Variants in FAM8A1 observed in about 807,000 individuals in gnomAD.
FAM8A1 encodes the protein protein FAM8A1.
In FAM8A1, 18 loss-of-function variants were observed where a neutral mutation model predicts 38.3. The observed-to-expected ratio is 0.47, with a 90% CI of 0.33 to 0.70. The LOEUF is 0.70. Ranked by LOEUF, FAM8A1 falls within the 30% of genes least tolerant of loss-of-function variation. The pLI, the probability that FAM8A1 is intolerant of heterozygous loss-of-function variation, is 0.03. For synonymous variants in FAM8A1, 246 were observed against 234.4 expected (o/e 1.05, Z -0.45); for missense variants, 559 against 559.6 (o/e 1.00, Z 0.01).
Position 17,600,622 on chromosome 6 carries a change from C to G in FAM8A1, c.213C>G (p.Arg71=). The G allele has an allele frequency of 6.6e-7, 1 of 1,513,192 alleles. No homozygotes were observed. Among genetic ancestry groups the G allele is most frequent in the Non-Finnish European group, 8.8e-7 (1 of 1,136,134 alleles). 93.7% of individuals were successfully genotyped at this position (1,513,192 alleles called of 1,614,324 possible). The change falls in exon 1 of 5, where the codon CGC becomes CGG. Residue 71 remains arginine, a synonymous_variant. Transcript: ENST00000259963. ...AAAADKLEPP[R]ELRKRGEAAS... ...CAGCCGACAAATTGGAGCCGCCGCG[C>G]GAGCTCAGGAAGCGCGGGGAGGCGG...
chr6:17,602,329 A>C (rs2735580), intron 1 of FAM8A1, among the ~76,000 whole-genome samples: 2 of 152,188 alleles, frequency 1.3e-5, no homozygotes, highest in Non-Finnish European at 2.9e-5. Context: ...GAGTCACTGC[A>C]CCTGGCCGTG....
chr6:17,607,388 A>G (rs1764069028), intron 4 of FAM8A1, among the ~76,000 whole-genome samples: 1 of 151,194 alleles, frequency 6.6e-6, no homozygotes, highest in South Asian at 2.1e-4. Context: ...CTGCATATGT[A>G]TTAATTTAAT....
rs749118840 is a variant in FAM8A1, at chr6:17,608,202, A to G, written c.1105A>G (p.Ile369Val). ...TTTGTTTTAACTTTTTAGGTCCACT[A>G]TCCGAGCTTTGATCAAGAATTTTTC... ...SSNVSITTST[I>V]RALIKNFSIA... Residue 369 changes from isoleucine (I) to valine (V), a missense_variant, in exon 5 of 5, where the codon ATC becomes GTC. This residue lies in a region of FAM8A1 where 166 missense variants were observed against 220.8 expected (regional missense o/e 0.75). Coordinates refer to ENST00000259963, the MANE Select transcript of FAM8A1 (RefSeq NM_016255.3). 7 of 1,605,394 alleles carry G rather than the reference A, an allele frequency of 4.4e-6. No individual in the cohort carries two copies. Among genetic ancestry groups the G allele is most frequent in the South Asian group, 3.3e-5 (3 of 90,700 alleles).
At chr6:17,601,223 C>G in intron 1 of FAM8A1, 102 bp downstream of exon 1, 1 of 1,413,082 alleles carries the variant, frequency 7.1e-7, no homozygotes, top group African/African-American at 1.4e-5. Flanking sequence ...TGCTTCTACT[C>G]TGATTGACTA....
At position 17,611,217 on chromosome 6, in the gene FAM8A1, A is replaced by T. The variant is rs1764140117; in HGVS notation, c.*2878A>T. The T allele has an allele frequency of 6.6e-6, 1 of 152,246 alleles. No individual in the cohort carries two copies. The highest frequency in any genetic ancestry group is 1.5e-5 in the Non-Finnish European group (1 of 68,014). The allele number at this position is 152,246 out of a possible 1,614,324, so 9.4% of individuals were successfully genotyped here. ...CAAATTACAAAATGAGTGTTTTTAG[A>T]TTCAAGTGACAGTAAAAGGATTTGT... is the stretch of plus-strand genomic sequence containing the variant. On this transcript the variant is annotated 3_prime_UTR_variant, in exon 5 of 5. Coordinates refer to ENST00000259963, the MANE Select transcript of FAM8A1 (RefSeq NM_016255.3).
At chr6:17,606,034 A>T in intron 4 of FAM8A1, 21 bp downstream of exon 4, 1 of 1,508,682 alleles carries the variant, frequency 6.6e-7, no homozygotes, top group East Asian at 2.4e-5. Flanking sequence ...TTCTTAGCTT[A>T]ATCTACTACA....
chr6:17,604,838 G>GA (rs1400427737), intron 2 of FAM8A1, 68 bp from the exon 3 acceptor site: 48 of 1,302,134 alleles, frequency 3.7e-5, no homozygotes, highest in Middle Eastern at 2.0e-4. Context: ...TTGCACTAAT[G>GA]AAAAAAAAGT....
chr6:17,601,025 G>T lies in FAM8A1; in HGVS notation c.616G>T (p.Ala206Ser). The T allele has an allele frequency of 6.3e-7, 1 of 1,589,162 alleles. No homozygotes were observed. Among genetic ancestry groups the T allele is most frequent in the Middle Eastern group, 1.7e-4 (1 of 5,994 alleles). ...PAPVAGLGPR[A>S]PHVQASVRAT... ...TCCAGTCGCGGGCCTGGGACCCCGG[G>T]CTCCTCACGTGCAGGCGTCGGTCCG... Residue 206 changes from alanine (A) to serine (S), a missense_variant, in exon 1 of 5, where the codon GCT becomes TCT. Transcript: ENST00000259963.
At chr6:17,604,602 C>T (rs1168561948) in intron 2 of FAM8A1, among the ~76,000 whole-genome samples, 3 of 152,052 alleles carry the variant, frequency 2.0e-5, no homozygotes, top group Non-Finnish European at 4.4e-5. Context: ...AGCACTCATC[C>T]CACTTTATTA....
Position 17,600,852 on chromosome 6 carries a change from C to A in FAM8A1, c.443C>A (p.Pro148Gln), listed in dbSNP as rs1332073942. 5 of 1,609,440 alleles carry A rather than the reference C, an allele frequency of 3.1e-6. No individual in the cohort carries two copies. Among genetic ancestry groups the A allele is most frequent in the Non-Finnish European group, 4.2e-6 (5 of 1,179,508 alleles). The change falls in exon 1 of 5, where the codon CCG becomes CAG. Residue 148 changes from proline to glutamine, a missense_variant. Physicochemically the swap from Pro to Gln is moderately conservative, Grantham distance 76 (BLOSUM62 -1). Transcript: ENST00000259963. Reference sequence around the variant, plus strand: ...GCCTACTGCAGCCCCCAGCCCTCCCCGCAGAGCTTCCCTTCGGGCGGCGCT... The same window carrying A: ...GCCTACTGCAGCCCCCAGCCCTCCCAGCAGAGCTTCCCTTCGGGCGGCGCT... Reference protein sequence around the residue: ...FPAYCSPQPSPQSFPSGGAAV... With the variant: ...FPAYCSPQPSQQSFPSGGAAV...
chr6:17,611,053 TAA>T lies in FAM8A1; in HGVS notation c.*2716_*2717del, dbSNP rs1347415890. ...AATAAGCCTTCACTTGTCAGTATCATAAAGAGTATTGCCCAACTGAACTTTGC... is the reference window on the plus strand; with the variant it reads ...AATAAGCCTTCACTTGTCAGTATCATAGAGTATTGCCCAACTGAACTTTGC... On this transcript the variant is annotated 3_prime_UTR_variant, in exon 5 of 5. Transcript: ENST00000259963. 2.0e-5 allele frequency: 3 copies of T among 152,190 alleles called. No individual in the cohort carries two copies. The highest frequency in any genetic ancestry group is 2.1e-4 in the South Asian group (1 of 4,830). The allele number at this position is 152,190 out of a possible 1,614,324, so 9.4% of individuals were successfully genotyped here.
Position 17,600,918 on chromosome 6 carries a change from G to A in FAM8A1, c.509G>A (p.Gly170Asp), listed in dbSNP as rs773181882. 1.3e-4 allele frequency: 209 copies of A among 1,592,042 alleles called. No homozygotes were observed. Among genetic ancestry groups the A allele is most frequent in the Non-Finnish European group, 1.7e-4 (202 of 1,172,366 alleles). The change falls in exon 1 of 5, where the codon GGC becomes GAC. Residue 170 changes from glycine to aspartate, a missense_variant. By Grantham distance (94) the Gly-to-Asp change is moderately conservative. Around this residue, in one of 2 missense-constraint regions of FAM8A1, gnomAD observed 393 missense variants for 338.9 expected, o/e 1.16. Transcript: ENST00000259963. ...GCGGCGCCGCCGCCCCCGCAGCTGGGCTATTACAACCCCTTCTACTTCCTG... is the reference window on the plus strand; with the variant it reads ...GCGGCGCCGCCGCCCCCGCAGCTGGACTATTACAACCCCTTCTACTTCCTG... ...QAAAPPPPQL[G>D]YYNPFYFLSP...
At chr6:17,606,737 C>T (rs2113747085) in intron 4 of FAM8A1, among the ~76,000 whole-genome samples, 1 of 152,218 alleles carries the variant, frequency 6.6e-6, no homozygotes, top group East Asian at 1.9e-4. Flanking sequence ...TAGGTGAGAG[C>T]TTGTAATACT....
chr6:17,600,853 G>T lies in FAM8A1; in HGVS notation c.444G>T (p.Pro148=), dbSNP rs201268445. Residue 148 remains proline, a synonymous_variant, in exon 1 of 5, where the codon CCG becomes CCT. Transcript: ENST00000259963. ...FPAYCSPQPS[P]QSFPSGGAAV... Reference sequence around the variant, plus strand: ...CCTACTGCAGCCCCCAGCCCTCCCCGCAGAGCTTCCCTTCGGGCGGCGCTG... The same window carrying T: ...CCTACTGCAGCCCCCAGCCCTCCCCTCAGAGCTTCCCTTCGGGCGGCGCTG... The T allele has an allele frequency of 1.3e-6, 2 of 1,579,472 alleles. No homozygotes were observed. The highest frequency in any genetic ancestry group is 8.6e-7 in the Non-Finnish European group (1 of 1,164,374).
At position 17,600,432 on chromosome 6, in the gene FAM8A1, CCCGAGG is replaced by C. The variant is rs1763963441; in HGVS notation, c.26_31del (p.Arg9_Gly10del). ...ACGATGGCCGAGGGGCCCGAGGAAG[CCCGAGG>C]CCACCCTCCCGGGCAGGACGATGGC... On this transcript the variant is annotated inframe_deletion, in exon 1 of 5. Transcript: ENST00000259963. 6.9e-7 allele frequency: 1 copy of C among 1,447,536 alleles called. No individual in the cohort carries two copies. The highest frequency in any genetic ancestry group is 9.1e-7 in the Non-Finnish European group (1 of 1,101,220). The allele number at this position is 1,447,536 out of a possible 1,614,324, so 89.7% of individuals were successfully genotyped here.
At chr6:17,607,520 T>TATAGGTAGTATCTATATACTATA (rs1400646334) in intron 4 of FAM8A1, among the ~76,000 whole-genome samples, 1 of 149,690 alleles carries the variant, frequency 6.7e-6, no homozygotes, top group African/African-American at 2.5e-5. Flanking sequence ...ATCTATATAC[T>TATAGGTAGTATCTATATACTATA]ATCTATAGTA....
intron 2 of FAM8A1, among the ~76,000 whole-genome samples, chr6:17,603,780 C>T (rs1764017360): frequency 6.6e-6 from 1 of 151,916 alleles, no homozygotes; most frequent in Admixed American, 6.6e-5. Context: ...GAGATGGGGT[C>T]TCCCTATGTT....
chr6:17,605,995 C>A lies in FAM8A1; in HGVS notation c.1079C>A (p.Ser360Ter). 2 of 1,561,302 alleles carry A rather than the reference C, an allele frequency of 1.3e-6. No individual in the cohort carries two copies. The highest frequency in any genetic ancestry group is 1.7e-6 in the Non-Finnish European group (2 of 1,145,150). The change falls in exon 4 of 5, where the codon TCA becomes TAA. Residue 360 changes from serine (S) to a stop codon, truncating the protein, a stop_gained. Coordinates refer to ENST00000259963, the MANE Select transcript of FAM8A1 (RefSeq NM_016255.3). LOFTEE classifies it high-confidence loss of function. ...AGTCGGGTTTTAGTGATTCCTTCCT[C>A]AAATGTTAGCATTACAACGTAAGTC... is the stretch of plus-strand genomic sequence containing the variant. ...APSRVLVIPS[S>*]NVSITTSTIR...
chr6:17,610,210 A>G lies in FAM8A1; in HGVS notation c.*1871A>G, dbSNP rs1764120097. ...ATTCAAGTTGAAATGTCCCTCAATC[A>G]TATAGGTCTGGAATACATCTTTCAT... On this transcript the variant is annotated 3_prime_UTR_variant, in exon 5 of 5. Coordinates refer to ENST00000259963, the MANE Select transcript of FAM8A1 (RefSeq NM_016255.3). 6.6e-6 allele frequency: 1 copy of G among 152,174 alleles called. No homozygotes were observed. Among genetic ancestry groups the G allele is most frequent in the African/African-American group, 2.4e-5 (1 of 41,450 alleles). The allele number at this position is 152,174 out of a possible 1,614,324, so 9.4% of individuals were successfully genotyped here.
Sources: gnomAD v4.1 joint callset for allele counts (sites outside exome capture counted in the v4.1 genomes callset) on GRCh38, gnomAD v4.1.1 for gene constraint, gnomAD v4.1.1 regional missense constraint, MANE v1.5 for transcripts, NCBI Gene and HGNC (gene_info 2026-07-23, HGNC 2026-07-21) for gene names.